CERS6: variants seen among roughly 807,000 people sequenced by gnomAD.
CERS6 encodes the protein ceramide synthase 6.
Under a neutral mutation model 56.8 loss-of-function variants are expected in CERS6, and 26 were observed. The observed-to-expected ratio is 0.46, with a 90% CI of 0.34 to 0.63. The LOEUF is 0.63. Among genes scored for constraint, CERS6 ranks in the 30% least tolerant of loss-of-function variants. The pLI is 0.01. For synonymous variants in CERS6, 164 were observed against 173.3 expected (o/e 0.95, Z 0.42); for missense variants, 415 against 467.5 (o/e 0.89, Z 1.04).
intron 3 of CERS6, among the ~76,000 whole-genome samples, chr2:168,587,656 G>T (rs1438866709): frequency 6.6e-6 from 1 of 151,502 alleles, no homozygotes; most frequent in Admixed American, 6.6e-5. Flanking sequence ...AGTAGTTTGA[G>T]AAAAAAAATG....
chr2:168,510,127 G>T lies in CERS6; in HGVS notation c.171-37469G>T, dbSNP rs553981784. On this transcript the variant is annotated intron_variant, in intron 1 of 9. Transcript: ENST00000305747. ...AAAAAACCAAGTTATCTGATACATAGGATTAGATTCTTGCAAAGCCTAGAA... is the reference window on the plus strand; with the variant it reads ...AAAAAACCAAGTTATCTGATACATATGATTAGATTCTTGCAAAGCCTAGAA... 3.5e-4 allele frequency among the ~76,000 whole-genome samples: 53 copies of T among 150,620 alleles called. 1 individual carries two copies. Among genetic ancestry groups the T allele is most frequent in the Admixed American group, 2.0e-4 (3 of 15,138 alleles).
intron 8 of CERS6, among the ~76,000 whole-genome samples, chr2:168,765,133 G>A (rs889402585): frequency 2.6e-5 from 4 of 152,142 alleles, no homozygotes; most frequent in East Asian, 1.9e-4. Context: ...ACTTTTATGC[G>A]GTGCCTAAAG....
intron 1 of CERS6, among the ~76,000 whole-genome samples, chr2:168,486,518 G>GTTTTTTTTTTTTTTTTTT (rs1491580943): frequency 3.7e-4 from 51 of 136,296 alleles, no homozygotes; most frequent in Admixed American, 8.3e-4. Context: ...GTCTAGATTT[G>GTTTTTTTTTTTTTTTTTT]GTTTTGTTTT....
Position 168,695,179 on chromosome 2 carries a change from C to T in CERS6, c.609+128C>T, listed in dbSNP as rs533043985. 5.8e-4 allele frequency: 384 copies of T among 657,216 alleles called. 7 individuals are homozygous for T. Among genetic ancestry groups the T allele is most frequent in the South Asian group, 3.7e-3 (199 of 53,992 alleles). The allele number at this position is 657,216 out of a possible 1,614,324, so 40.7% of individuals were successfully genotyped here. On this transcript the variant is annotated intron_variant, in intron 6 of 9. Coordinates refer to ENST00000305747, the MANE Select transcript of CERS6 (RefSeq NM_203463.3). ...AGCCCTAGGTTAGTACGACTTGCTGCGTTATTACAGAAAGTTCTCTATTTT... is the reference window on the plus strand; with the variant it reads ...AGCCCTAGGTTAGTACGACTTGCTGTGTTATTACAGAAAGTTCTCTATTTT...
At chr2:168,695,089 C>T (rs1404995429) in intron 6 of CERS6, 38 bp downstream of exon 6, 1 of 1,507,972 alleles carries the variant, frequency 6.6e-7, no homozygotes, top group African/African-American at 1.4e-5. Flanking sequence ...TGCAAGCATG[C>T]ATCTTTAATG....
rs112105394 is a variant in CERS6, at chr2:168,620,760, C to CTT, written c.408-10206_408-10205dup. On this transcript the variant is annotated intron_variant, in intron 3 of 9. Coordinates refer to ENST00000305747, the MANE Select transcript of CERS6 (RefSeq NM_203463.3). ...GGGTAATAGAGAAGGGGAAATTCAC[C>CTT]TTTTTTTTTTTTTTTTTTTTAAGAC... Among the ~76,000 whole-genome samples the CTT allele has an allele frequency of 3.2e-3, 414 of 130,646 alleles. 4 individuals carry two copies. The highest frequency in any genetic ancestry group is 9.8e-3 in the African/African-American group (339 of 34,656). 85.7% of individuals were successfully genotyped at this position (130,646 alleles called of 152,430 possible).
chr2:168,654,341 C>T (rs1214743141), intron 4 of CERS6, among the ~76,000 whole-genome samples: 1 of 151,840 alleles, frequency 6.6e-6, no homozygotes, highest in African/African-American at 2.4e-5. Context: ...CTGAGGAGTT[C>T]GAGACCAGCC....
At chr2:168,726,705 T>C (rs1419789198) in intron 8 of CERS6, among the ~76,000 whole-genome samples, 4 of 152,224 alleles carry the variant, frequency 2.6e-5, no homozygotes, top group Non-Finnish European at 5.9e-5. Flanking sequence ...TAATAGTATT[T>C]TACAAACTAT....
rs144682912 is a variant in CERS6 at position 168,548,074 on chromosome 2, C to T, written c.276+373C>T. The stretch of plus-strand genomic sequence containing the variant: ...CTGAAGAATGTGATTTATGTGTGTG[C>T]GAAAAAAGGGACCTCTTGGCTTGTA... On this transcript the variant is annotated intron_variant, in intron 2 of 9. Transcript: ENST00000305747. 2.7e-3 allele frequency among the ~76,000 whole-genome samples: 411 copies of T among 151,694 alleles called. 2 individuals carry two copies. The highest frequency in any genetic ancestry group is 4.6e-3 in the Non-Finnish European group (313 of 67,898).
intron 3 of CERS6, among the ~76,000 whole-genome samples, chr2:168,620,010 T>TA (rs1559023324): frequency 9.5e-4 from 30 of 31,586 alleles, no homozygotes; most frequent in East Asian, 4.5e-3. Context: ...GGTTCCACAA[T>TA]CCATACACAC....
intron 4 of CERS6, among the ~76,000 whole-genome samples, chr2:168,654,721 T>C (rs906063142): frequency 3.9e-5 from 6 of 152,226 alleles, no homozygotes; most frequent in African/African-American, 1.4e-4. Context: ...ACAAAAGTAA[T>C]ATTTTATATC....
intron 8 of CERS6, among the ~76,000 whole-genome samples, chr2:168,741,259 G>C (rs778075813): frequency 6.6e-6 from 1 of 152,054 alleles, no homozygotes; most frequent in Non-Finnish European, 1.5e-5. Context: ...AGCAGTGATA[G>C]TGGTGTTATT....
intron 4 of CERS6, among the ~76,000 whole-genome samples, chr2:168,662,445 A>G (rs1468655526): frequency 1.3e-5 from 2 of 152,086 alleles, no homozygotes; most frequent in Non-Finnish European, 1.5e-5. Flanking sequence ...GACCCTGGAA[A>G]GGGCCAGGCA....
intron 1 of CERS6, among the ~76,000 whole-genome samples, chr2:168,530,296 G>A (rs934502950): frequency 7.9e-5 from 12 of 152,170 alleles, no homozygotes; most frequent in Non-Finnish European, 5.9e-5. Flanking sequence ...CCTTCCATGA[G>A]AGGGGCAGAC....
At chr2:168,706,716 G>A (rs1686949740) in intron 6 of CERS6, among the ~76,000 whole-genome samples, 1 of 152,030 alleles carries the variant, frequency 6.6e-6, no homozygotes, top group Non-Finnish European at 1.5e-5. Context: ...ACATTTTTTG[G>A]TCTGACCCAA....
In CERS6 at chr2:168,567,930, T is replaced by C. The variant is rs564005744; in HGVS notation, c.407+6608T>C. 5.3e-5 allele frequency among the ~76,000 whole-genome samples: 8 copies of C among 152,354 alleles called. No homozygotes were observed. The South Asian group carries it at 1.4e-3, about 28-fold the overall frequency. On this transcript the variant is annotated intron_variant, in intron 3 of 9. Transcript: ENST00000305747. Reference sequence around the variant, plus strand: ...AATTCTGAAGATTGATGAACCGGACTATGGACAGTCTGCTCTTTTGCCTCG... The same window carrying C: ...AATTCTGAAGATTGATGAACCGGACCATGGACAGTCTGCTCTTTTGCCTCG...
At chr2:168,595,181 G>A (rs548372802) in intron 3 of CERS6, among the ~76,000 whole-genome samples, 5 of 152,224 alleles carry the variant, frequency 3.3e-5, no homozygotes, top group South Asian at 4.1e-4. Flanking sequence ...AGTTTGCAGG[G>A]CCCAATTTCT....
intron 6 of CERS6, among the ~76,000 whole-genome samples, chr2:168,699,705 C>A (rs1686756988): frequency 6.6e-6 from 1 of 151,962 alleles, no homozygotes; most frequent in Non-Finnish European, 1.5e-5. Context: ...TAATCATTTC[C>A]AGAGTTGGTA....
At chr2:168,549,220 T>G (rs1293493391) in intron 2 of CERS6, among the ~76,000 whole-genome samples, 1 of 152,190 alleles carries the variant, frequency 6.6e-6, no homozygotes, top group East Asian at 1.9e-4. Flanking sequence ...ATTTGATGCC[T>G]CTCCTTAAAA....
Sources: gnomAD v4.1 joint callset for allele counts (sites outside exome capture counted in the v4.1 genomes callset) on GRCh38, gnomAD v4.1.1 for gene constraint, MANE v1.5 for transcripts, NCBI Gene and HGNC (gene_info 2026-07-23, HGNC 2026-07-21) for gene names.